ADAM22: variants seen among roughly 807,000 people sequenced by gnomAD.
ADAM22 encodes disintegrin and metalloproteinase domain-containing protein 22.
A neutral mutation model predicts 144.6 loss-of-function variants in ADAM22; 65 were observed. The ratio of observed to expected loss-of-function variants is 0.45; its 90% confidence interval spans 0.37 to 0.55. The LOEUF (loss-of-function observed/expected upper bound fraction) is 0.55, where lower values mean the gene tolerates loss of function less well. Among genes scored for constraint, ADAM22 ranks in the 20% least tolerant of loss-of-function variants. ADAM22 has a pLI of 0.00. For synonymous variants in ADAM22, 391 were observed against 412.6 expected, an observed-to-expected ratio of 0.95 and a Z score of 0.63; for missense variants, 974 against 1,184.9, an observed-to-expected ratio of 0.82 and a Z score of 2.61.
chr7:87,965,155 CTT>C (rs1444786858), intron 2 of ADAM22, among the ~76,000 whole-genome samples: 1 of 152,230 alleles, frequency 6.6e-6, no homozygotes, highest in East Asian at 1.9e-4. Context: ...CTAGAATTCT[CTT>C]GTTTGGTGTC....
At chr7:87,979,308 T>C (rs1375790336) in intron 3 of ADAM22, among the ~76,000 whole-genome samples, 2 of 152,324 alleles carry the variant, frequency 1.3e-5, no homozygotes, top group African/African-American at 4.8e-5. Flanking sequence ...CCATGTTATC[T>C]GGATAGGTAG....
chr7:88,133,362 C>CTAAATAAATAAA (rs3085472), intron 12 of ADAM22, among the ~76,000 whole-genome samples: 2 of 142,160 alleles, frequency 1.4e-5, no homozygotes, highest in Admixed American at 7.1e-5. Flanking sequence ...GACCCTGTCT[C>CTAAATAAATAAA]TAAATAAATA....
chr7:88,117,698 T>A (rs2129490985), intron 7 of ADAM22, among the ~76,000 whole-genome samples: 1 of 151,654 alleles, frequency 6.6e-6, no homozygotes, highest in East Asian at 1.9e-4. Flanking sequence ...TTTTAATTTT[T>A]TTTTTTTTTT....
At chr7:87,946,037 A>G (rs1843609176) in intron 2 of ADAM22, among the ~76,000 whole-genome samples, 1 of 151,244 alleles carries the variant, frequency 6.6e-6, no homozygotes, top group Non-Finnish European at 1.5e-5. Context: ...TACCCTCATC[A>G]GCATCTGTTT....
chr7:87,953,698 G>A (rs1845834259), intron 2 of ADAM22, among the ~76,000 whole-genome samples: 1 of 151,880 alleles, frequency 6.6e-6, no homozygotes, highest in African/African-American at 2.4e-5. Context: ...GGGTATCCTT[G>A]TTAAATTTCT....
At position 87,954,688 on chromosome 7, in the gene ADAM22, C is replaced by G. The variant is rs201175489; in HGVS notation, c.246+19502C>G. Among the ~76,000 whole-genome samples, 598 of 152,184 alleles carry G rather than the reference C, an allele frequency of 3.9e-3. 15 individuals are homozygous for G. The East Asian group carries it at 0.054, about 14-fold the overall frequency. On this transcript the variant is annotated intron_variant, in intron 2 of 31. Transcript: ENST00000413139. ...GTATTTCCTGAATCTGAATGTTGGC[C>G]TGCCTTGCTAGATTGGGGAAGTTCT...
intron 2 of ADAM22, among the ~76,000 whole-genome samples, chr7:87,954,944 G>T (rs1223900672): frequency 6.6e-6 from 1 of 152,104 alleles, no homozygotes; most frequent in Non-Finnish European, 1.5e-5. Flanking sequence ...TGAGGCTTCT[G>T]CATTCTTCAC....
At chr7:88,119,539 A>G (rs1414191685) in intron 7 of ADAM22, among the ~76,000 whole-genome samples, 3 of 152,146 alleles carry the variant, frequency 2.0e-5, no homozygotes, top group African/African-American at 7.2e-5. Context: ...CCCAGGCTGG[A>G]GTGCAATAGT....
intron 3 of ADAM22, among the ~76,000 whole-genome samples, chr7:88,021,516 A>G (rs1408537687): frequency 6.6e-6 from 1 of 152,216 alleles, no homozygotes; most frequent in African/African-American, 2.4e-5. Flanking sequence ...AAAATAATAA[A>G]TAGGTTAAGT....
chr7:87,953,239 G>A (rs1453139406), intron 2 of ADAM22, among the ~76,000 whole-genome samples: 1 of 151,964 alleles, frequency 6.6e-6, no homozygotes, highest in Non-Finnish European at 1.5e-5. Flanking sequence ...ATGTTAGGGT[G>A]TCAGTATTGG....
At chr7:87,953,738 G>A (rs1057122355) in intron 2 of ADAM22, among the ~76,000 whole-genome samples, 1 of 152,094 alleles carries the variant, frequency 6.6e-6, no homozygotes, top group Non-Finnish European at 1.5e-5. Flanking sequence ...TGTTGATAGT[G>A]GGGTGTTAAA....
intron 2 of ADAM22, among the ~76,000 whole-genome samples, chr7:87,977,343 G>A (rs1852147128): frequency 6.6e-6 from 1 of 152,218 alleles, no homozygotes. Flanking sequence ...ATCCTAAGAT[G>A]TCCGTTCTGG....
intron 3 of ADAM22, among the ~76,000 whole-genome samples, chr7:87,989,512 C>T (rs373985731): frequency 1.2e-4 from 18 of 152,206 alleles, no homozygotes; most frequent in African/African-American, 3.9e-4. Context: ...TGATTCTCCC[C>T]TGTATAGTAT....
intron 30 of ADAM22, among the ~76,000 whole-genome samples, chr7:88,191,600 A>G (rs73397606): frequency 0.022 from 3,310 of 152,310 alleles, 142 homozygotes; most frequent in African/African-American, 0.075. Flanking sequence ...TCATAGTCCT[A>G]TTTAAAGTGT....
chr7:88,063,343 A>T (rs993158025), intron 3 of ADAM22, among the ~76,000 whole-genome samples: 4 of 152,202 alleles, frequency 2.6e-5, no homozygotes, highest in Admixed American at 6.5e-5. Context: ...ACGTTTGAAT[A>T]CTATGGTTGA....
At chr7:88,067,587 A>G (rs928664402) in intron 3 of ADAM22, among the ~76,000 whole-genome samples, 2 of 152,048 alleles carry the variant, frequency 1.3e-5, no homozygotes, top group African/African-American at 4.8e-5. Context: ...GAAGATTCTG[A>G]TTTGGTAGGC....
chr7:88,113,686 TTATA>T (rs1563244974), intron 5 of ADAM22, among the ~76,000 whole-genome samples: 5 of 66,380 alleles, frequency 7.5e-5, no homozygotes, highest in African/African-American at 3.6e-4. Context: ...AATATATATA[TTATA>T]AATAAATAAA....
At chr7:87,977,897 G>A (rs950234210) in intron 2 of ADAM22, among the ~76,000 whole-genome samples, 8 of 152,094 alleles carry the variant, frequency 5.3e-5, no homozygotes, top group South Asian at 2.1e-4. Flanking sequence ...TGTGATAAGC[G>A]AAAAAGGATT....
chr7:88,067,482 A>G (rs1811565189), intron 3 of ADAM22, among the ~76,000 whole-genome samples: 1 of 151,582 alleles, frequency 6.6e-6, no homozygotes, highest in African/African-American at 2.4e-5. Flanking sequence ...ACAGGCCATT[A>G]TATGTTAATA....
Sources: allele counts gnomAD v4.1 joint callset (sites outside exome capture counted in the v4.1 genomes callset), GRCh38; gene constraint gnomAD v4.1.1; transcripts MANE v1.5; gene names NCBI Gene and HGNC (gene_info 2026-07-23, HGNC 2026-07-21).